Variants in TBKBP1 observed in about 807,000 individuals in gnomAD.
The protein encoded by TBKBP1 is TBK1 binding protein 1.
TBKBP1 carries 47 observed loss-of-function variants against 69.9 expected under a neutral mutation model. That is an observed-to-expected ratio of 0.67 (90% CI 0.53 to 0.86). The LOEUF (loss-of-function observed/expected upper bound fraction) is 0.86, where lower values mean the gene tolerates loss of function less well. Among genes scored for constraint, TBKBP1 ranks in the 40% least tolerant of loss-of-function variants. The pLI, the probability that TBKBP1 is intolerant of heterozygous loss-of-function variation, is 0.00. For missense variants in TBKBP1, 831 were observed against 858.6 expected (o/e 0.97, Z 0.40); for synonymous variants, 418 against 390.3 (o/e 1.07, Z -0.84).
chr17:47,696,877 A>C lies in TBKBP1; in HGVS notation c.348+44A>C, dbSNP rs779170073. ...GCGCACCCCCTGAGCATCTTGCTCC[A>C]GTCTGTTTCTGATACCCTTCCCTCC... On this transcript the variant is annotated intron_variant, in intron 3 of 9. Transcript: ENST00000578982. 3.9e-5 allele frequency: 63 copies of C among 1,605,746 alleles called. No homozygotes were observed. The Admixed American group carries it at 1.1e-3, about 27-fold the overall frequency.
chr17:47,701,726 G>A (rs2031513559), intron 7 of TBKBP1, among the ~76,000 whole-genome samples: 1 of 152,242 alleles, frequency 6.6e-6, no homozygotes, highest in South Asian at 2.1e-4. Flanking sequence ...TATTGTGTGA[G>A]TGAAAGGAAG....
rs1402255352 is a variant in TBKBP1, at chr17:47,711,724, G to A, written c.*1098G>A. Reference sequence around the variant, plus strand: ...AGGGCTGAGGTGGGGAGCCTTCTACGGCGAAAGCCTGCCACCCCACAATGA... The same window carrying A: ...AGGGCTGAGGTGGGGAGCCTTCTACAGCGAAAGCCTGCCACCCCACAATGA... On this transcript the variant is annotated 3_prime_UTR_variant, in exon 10 of 10. Coordinates refer to ENST00000578982, the MANE Select transcript of TBKBP1 (RefSeq NM_001394755.1). 3.3e-5 allele frequency: 5 copies of A among 152,526 alleles called. No homozygotes were observed. The highest frequency in any genetic ancestry group is 3.8e-4 in the East Asian group (2 of 5,200). 9.4% of individuals were successfully genotyped at this position (152,526 alleles called of 1,614,324 possible).
intron 7 of TBKBP1, among the ~76,000 whole-genome samples, chr17:47,707,039 G>T (rs2031727204): frequency 6.6e-6 from 1 of 152,216 alleles, no homozygotes; most frequent in South Asian, 2.1e-4. Flanking sequence ...CCTGGGAAGA[G>T]ATCTGTGTGG....
chr17:47,696,911 C>T (rs2031270631), intron 3 of TBKBP1, 78 bp downstream of exon 3: 3 of 1,574,300 alleles, frequency 1.9e-6, no homozygotes, highest in Middle Eastern at 2.1e-4. Flanking sequence ...CCACACCCCC[C>T]AGCATCTGGC....
chr17:47,698,650 G>T lies in TBKBP1; in HGVS notation c.509G>T (p.Arg170Leu), dbSNP rs181655124. 34 of 1,602,568 alleles carry T rather than the reference G, an allele frequency of 2.1e-5. No homozygotes were observed. In the African/African-American group the frequency reaches 4.4e-4, roughly 21 times the overall value. The change falls in exon 5 of 10, where the codon CGG becomes CTG. Residue 170 changes from arginine (R) to leucine (L), a missense_variant. Transcript: ENST00000578982. ...RQICGLEQQL[R>L]QQQGLQDAAF... ...ATCTGTGGTTTGGAGCAGCAGCTGC[G>T]GCAACAGCAAGGCCTCCAGGATGCA...
intron 9 of TBKBP1, 60 bp downstream of exon 9, chr17:47,709,512 C>T (rs1011318961): frequency 4.2e-6 from 6 of 1,432,672 alleles, no homozygotes; most frequent in South Asian, 1.4e-5. Flanking sequence ...GAGACCCCAG[C>T]GCCTCACCCT....
At position 47,708,600 on chromosome 17, in the gene TBKBP1, C is replaced by A. The variant is rs897953610; in HGVS notation, c.991+88C>A. The stretch of plus-strand genomic sequence containing the variant: ...CAACCATCTTGGTCATGGGGACCAC[C>A]CTTTATTTCCTTTCCTGTGGCCTGG... On this transcript the variant is annotated intron_variant, in intron 8 of 9. Transcript: ENST00000578982. This position sits in a 1 kb window ranked among gnomAD's most constrained non-coding sequence, Gnocchi z 4.4. The A allele has an allele frequency of 7.4e-6, 11 of 1,481,974 alleles. No homozygotes were observed. The highest frequency in any genetic ancestry group is 1.9e-5 in the Admixed American group (1 of 51,620). The allele number at this position is 1,481,974 out of a possible 1,614,324, so 91.8% of individuals were successfully genotyped here.
Position 47,696,151 on chromosome 17 carries a change from G to C in TBKBP1, c.39G>C (p.Thr13=), listed in dbSNP as rs762201898. Reference sequence around the variant, plus strand: ...TCGAGGACGACATCAGCATCCTGACGCAGGAGGCCCTGGGGCCTAGTGAGG... The same window carrying C: ...TCGAGGACGACATCAGCATCCTGACCCAGGAGGCCCTGGGGCCTAGTGAGG... The part of the protein sequence containing the change: ...SMFEDDISIL[T]QEALGPSEVW... Residue 13 remains threonine, a synonymous_variant, in exon 2 of 10, where the codon ACG becomes ACC. Coordinates refer to ENST00000578982, the MANE Select transcript of TBKBP1 (RefSeq NM_001394755.1). 1 of 1,613,012 alleles carries C rather than the reference G, an allele frequency of 6.2e-7. No homozygotes were observed. The highest frequency in any genetic ancestry group is 8.5e-7 in the Non-Finnish European group (1 of 1,179,644).
Position 47,696,315 on chromosome 17 carries a change from G to A in TBKBP1, c.203G>A (p.Arg68His), listed in dbSNP as rs2031239590. The A allele has an allele frequency of 6.2e-7, 1 of 1,613,024 alleles. No individual in the cohort carries two copies. The highest frequency in any genetic ancestry group is 8.5e-7 in the Non-Finnish European group (1 of 1,179,794). ...LERENATLRR[R>H]LKVYEIKYPL... is the part of the protein sequence containing the mutation. ...AGGGAGAACGCCACCCTCCGACGCC[G>A]CCTCAAAGTCTACGAGATCAAGGTC... Residue 68 changes from arginine (R) to histidine (H), a missense_variant, in exon 2 of 10, where the codon CGC becomes CAC. Arg to His is a conservative substitution (Grantham distance 29). Transcript: ENST00000578982.
At chr17:47,695,667 A>C (rs1305201897) in intron 1 of TBKBP1, 1 of 156,878 alleles carries the variant, frequency 6.4e-6, no homozygotes, top group African/African-American at 2.4e-5. Flanking sequence ...GGGGTGCCAG[A>C]GGCCCAGGCT....
chr17:47,694,767 G>C (rs1307122743), intron 1 of TBKBP1: 1 of 152,144 alleles, frequency 6.6e-6, no homozygotes, highest in East Asian at 1.9e-4. Context: ...TGGGGGGAGG[G>C]GATGGCGTGG....
chr17:47,696,312 G>T lies in TBKBP1; in HGVS notation c.200G>T (p.Arg67Leu). ...GLERENATLR[R>L]RLKVYEIKYP... ...GAGAGGGAGAACGCCACCCTCCGAC[G>T]CCGCCTCAAAGTCTACGAGATCAAG... is the stretch of plus-strand genomic sequence containing the variant. Residue 67 changes from arginine to leucine, a missense_variant, in exon 2 of 10, where the codon CGC becomes CTC. Coordinates refer to ENST00000578982, the MANE Select transcript of TBKBP1 (RefSeq NM_001394755.1). The T allele has an allele frequency of 6.2e-7, 1 of 1,613,136 alleles. No individual in the cohort carries two copies.
chr17:47,698,832 C>T (rs563749282), intron 5 of TBKBP1, 57 bp downstream of exon 5: 1 of 1,415,292 alleles, frequency 7.1e-7, no homozygotes, highest in African/African-American at 1.4e-5. Flanking sequence ...TTTCAACATT[C>T]CTAGACACCT....
At position 47,696,861 on chromosome 17, in the gene TBKBP1, CT is replaced by C; in HGVS notation, c.348+29del. On this transcript the variant is annotated intron_variant, in intron 3 of 9. Coordinates refer to ENST00000578982, the MANE Select transcript of TBKBP1 (RefSeq NM_001394755.1). ...GAGCCTACCAGGCTGGGCGCACCCC[CT>C]GAGCATCTTGCTCCAGTCTGTTTCT... 1.9e-6 allele frequency: 3 copies of C among 1,611,126 alleles called. No homozygotes were observed. The South Asian group carries it at 3.3e-5, about 18-fold the overall frequency.
Position 47,710,559 on chromosome 17 carries a change from C to T in TBKBP1, c.1781C>T (p.Pro594Leu). The T allele has an allele frequency of 6.2e-7, 1 of 1,612,582 alleles. No individual in the cohort carries two copies. The highest frequency in any genetic ancestry group is 8.5e-7 in the Non-Finnish European group (1 of 1,179,088). Residue 594 changes from proline (P) to leucine (L), a missense_variant, in exon 10 of 10, where the codon CCT (proline) becomes CTT (leucine). Physicochemically the swap from Pro to Leu is moderately conservative, Grantham distance 98. Transcript: ENST00000578982. Reference protein sequence around the residue: ...RSCPLCQLGFPVGYPDDALIK... With the variant: ...RSCPLCQLGFLVGYPDDALIK... ...TGCCCCCTCTGCCAGCTGGGTTTCC[C>T]TGTCGGGTACCCGGATGATGCCCTC...
Position 47,710,658 on chromosome 17 carries a change from G to A in TBKBP1, c.*32G>A, listed in dbSNP as rs376838619. ...AGCCCCACCCACTGGCTGTTTCTCC[G>A]TCCTCTCCTATCACCCCCAAACACT... On this transcript the variant is annotated 3_prime_UTR_variant, in exon 10 of 10. Coordinates refer to ENST00000578982, the MANE Select transcript of TBKBP1 (RefSeq NM_001394755.1). 3.7e-5 allele frequency: 59 copies of A among 1,583,296 alleles called. No homozygotes were observed. In the East Asian group the frequency reaches 4.3e-4, roughly 12 times the overall value.
At position 47,710,511 on chromosome 17, in the gene TBKBP1, C is replaced by T. The variant is rs533983050; in HGVS notation, c.1733C>T (p.Thr578Met). ...CTCTCTCGACAGTTGCTGATGGAGA[C>T]GGTGGGCTCCGACATCCGCAGCTGC... The part of the protein sequence containing the change: ...SWPSINLLME[T>M]VGSDIRSCPL... The change falls in exon 10 of 10, where the codon ACG (threonine) becomes ATG (methionine). Residue 578 changes from threonine (T) to methionine (M), a missense_variant. Transcript: ENST00000578982. 8.1e-6 allele frequency: 13 copies of T among 1,610,606 alleles called. No homozygotes were observed. Among genetic ancestry groups the T allele is most frequent in the South Asian group, 6.6e-5 (6 of 90,992 alleles).
chr17:47,699,774 C>T, intron 7 of TBKBP1, 77 bp downstream of exon 7: 3 of 1,547,064 alleles, frequency 1.9e-6, no homozygotes, highest in Non-Finnish European at 2.7e-6. Flanking sequence ...GGTGTGGTGT[C>T]TGGGCTGCTG....
Position 47,698,695 on chromosome 17 carries a change from C to G in TBKBP1, c.554C>G (p.Pro185Arg). Residue 185 changes from proline (P) to arginine (R), a missense_variant, in exon 5 of 10, where the codon CCA (proline) becomes CGA (arginine). Transcript: ENST00000578982. ...LQDAAFSNLS[P>R]PPAPAPPCTD... ...GATGCAGCCTTCTCCAACCTGAGCC[C>G]ACCGCCAGCCCCCGCCCCTCCCTGC... 1 of 1,606,464 alleles carries G rather than the reference C, an allele frequency of 6.2e-7. No homozygotes were observed. Among genetic ancestry groups the G allele is most frequent in the East Asian group, 2.2e-5 (1 of 44,516 alleles).
Sources: allele counts gnomAD v4.1 joint callset (sites outside exome capture counted in the v4.1 genomes callset), GRCh38; gene constraint gnomAD v4.1.1; non-coding constraint Gnocchi (gnomAD v3.1); transcripts MANE v1.5; gene names NCBI Gene and HGNC (gene_info 2026-07-23, HGNC 2026-07-21).